PLEKHH1: variants seen among roughly 807,000 people sequenced by gnomAD.
PLEKHH1 encodes the protein pleckstrin homology domain-containing family H member 1.
PLEKHH1 carries 104 observed loss-of-function variants against 160.0 expected under a neutral mutation model. The ratio of observed to expected loss-of-function variants is 0.65; its 90% CI spans 0.55 to 0.76. The LOEUF (loss-of-function observed/expected upper bound fraction) is 0.76, where lower values mean the gene tolerates loss of function less well. PLEKHH1 is among the 30% of genes least tolerant of loss of function. PLEKHH1 has a pLI of 0.00. For synonymous variants in PLEKHH1, 619 were observed against 678.4 expected (o/e 0.91, Z 1.36); for missense variants, 1,427 against 1,724.1 (o/e 0.83, Z 3.05).
intron 1 of PLEKHH1, among the ~76,000 whole-genome samples, chr14:67,534,641 C>T (rs2033626130): frequency 6.6e-6 from 1 of 152,140 alleles, no homozygotes; most frequent in South Asian, 2.1e-4. Context: ...GCTGAGGGGG[C>T]CTGCTCAGAG....
At chr14:67,569,083 G>A in intron 7 of PLEKHH1, 55 bp from the exon 8 acceptor site, 2 of 1,201,790 alleles carry the variant, frequency 1.7e-6, no homozygotes, top group Non-Finnish European at 2.5e-6. Flanking sequence ...ATGCCTGGAG[G>A]GGGTGGGATG....
intron 5 of PLEKHH1, among the ~76,000 whole-genome samples, chr14:67,560,541 A>G (rs892209636): frequency 1.3e-5 from 2 of 152,042 alleles, no homozygotes; most frequent in Non-Finnish European, 2.9e-5. Flanking sequence ...CTCTTCCCCC[A>G]TCGCCTGGTA....
Position 67,578,715 on chromosome 14 carries a change from G to C in PLEKHH1, c.2849+84G>C. The C allele has an allele frequency of 1.1e-6, 1 of 886,064 alleles. No homozygotes were observed. 54.9% of individuals were successfully genotyped at this position (886,064 alleles called of 1,614,324 possible). A position where few individuals can be genotyped will look rare whatever the true frequency, so the allele number is the denominator to read the frequency against. ...AGAGGGATGAGAGGAGTCTAGGGCA[G>C]ACCAGATCACTCCTGTCCTCTGAAA... On this transcript the variant is annotated intron_variant, in intron 20 of 28. Transcript: ENST00000329153. The surrounding 1 kb of genome is among the most constrained non-coding windows in gnomAD (Gnocchi z 5.0).
rs757934211 is a variant in PLEKHH1 at position 67,541,858 on chromosome 14, C to T, written c.-10C>T. The T allele has an allele frequency of 1.9e-6, 3 of 1,587,158 alleles. No individual in the cohort carries two copies. Among genetic ancestry groups the T allele is most frequent in the South Asian group, 1.2e-5 (1 of 86,534 alleles). On this transcript the variant is annotated 5_prime_UTR_variant, in exon 2 of 29. Coordinates refer to ENST00000329153, the MANE Select transcript of PLEKHH1 (RefSeq NM_020715.3). ...GGGCTCCCCAGAATAATCCAGAAGT[C>T]GATTCCATCATGGCAGAACTCAAGG...
In PLEKHH1 at chr14:67,572,520, G is replaced by A. The variant is rs371384216; in HGVS notation, c.1728+243G>A. On this transcript the variant is annotated intron_variant, in intron 11 of 28. Transcript: ENST00000329153. ...TACCAGCAATGGCCAGTTACTGAGAGCCTACTGTGGCCCACCAGGCCCCAT... is the reference window on the plus strand; with the variant it reads ...TACCAGCAATGGCCAGTTACTGAGAACCTACTGTGGCCCACCAGGCCCCAT... Among the ~76,000 whole-genome samples, 350 of 152,272 alleles carry A rather than the reference G, an allele frequency of 2.3e-3. 4 individuals are homozygous for A. Among genetic ancestry groups the A allele is most frequent in the African/African-American group, 8.1e-3 (338 of 41,546 alleles).
intron 2 of PLEKHH1, among the ~76,000 whole-genome samples, chr14:67,548,388 T>G (rs1357227978): frequency 2.0e-5 from 3 of 152,146 alleles, no homozygotes; most frequent in African/African-American, 7.2e-5. Flanking sequence ...CCAAAAGGGC[T>G]TTGAGGGTAT....
intron 22 of PLEKHH1, 109 bp downstream of exon 22, chr14:67,579,985 C>A: frequency 9.2e-7 from 1 of 1,083,452 alleles, no homozygotes; most frequent in Non-Finnish European, 1.3e-6. Context: ...TCATTTGGTG[C>A]TGAGCCCAAG....
chr14:67,572,417 TG>T (rs957593389), intron 11 of PLEKHH1, 140 bp downstream of exon 11: 31 of 169,198 alleles, frequency 1.8e-4, no homozygotes, highest in African/African-American at 3.5e-4. Context: ...GGGCGTGGGC[TG>T]GGGGGGTGTA....
At position 67,578,176 on chromosome 14, in the gene PLEKHH1, C is replaced by A. The variant is rs1305378903; in HGVS notation, c.2728C>A (p.Pro910Thr). The A allele has an allele frequency of 6.2e-7, 1 of 1,613,920 alleles. No individual in the cohort carries two copies. The highest frequency in any genetic ancestry group is 2.2e-5 in the East Asian group (1 of 44,884). The change falls in exon 19 of 29, where the codon CCT (proline) becomes ACT (threonine). Residue 910 changes from proline to threonine, a missense_variant. Pro to Thr is a conservative substitution (Grantham distance 38). This residue lies in a region of PLEKHH1 where 436 missense variants were observed against 607.5 expected (regional missense o/e 0.72). Transcript: ENST00000329153. This position sits in a 1 kb window ranked among gnomAD's most constrained non-coding sequence, Gnocchi z 5.0. ...CATGAAGCAGACCAGCTGCCGCCCA[C>A]CTCAGAAGTACTCCCTCATGCAGGT... ...QLMKQTSCRP[P>T]QKYSLMQCWQ...
intron 1 of PLEKHH1, among the ~76,000 whole-genome samples, chr14:67,538,219 G>A (rs919891714): frequency 5.9e-5 from 9 of 152,150 alleles, no homozygotes; most frequent in Non-Finnish European, 8.8e-5. Context: ...TAGCCTGTTA[G>A]TATGAGATAT....
intron 7 of PLEKHH1, among the ~76,000 whole-genome samples, chr14:67,567,296 T>C (rs776757159): frequency 3.3e-5 from 5 of 152,230 alleles, no homozygotes; most frequent in Admixed American, 1.3e-4. Context: ...GTGTGAGAAA[T>C]ACTTATGTAT....
At chr14:67,567,579 T>C (rs1429082519) in intron 7 of PLEKHH1, among the ~76,000 whole-genome samples, 1 of 152,040 alleles carries the variant, frequency 6.6e-6, no homozygotes, top group Non-Finnish European at 1.5e-5. Context: ...TGCAGGGCCC[T>C]CCTTGGCATC....
chr14:67,546,027 C>T (rs970297914), intron 2 of PLEKHH1, among the ~76,000 whole-genome samples: 7 of 151,732 alleles, frequency 4.6e-5, no homozygotes, highest in Admixed American at 4.6e-4. Flanking sequence ...GTTGCAAAGT[C>T]AAATGCTTAC....
chr14:67,571,816 GCT>G lies in PLEKHH1; in HGVS notation c.1503_1504del (p.Gln502GlyfsTer11). 6.2e-7 allele frequency: 1 copy of G among 1,613,952 alleles called. No homozygotes were observed. On this transcript the variant is annotated frameshift_variant, in exon 10 of 29. Transcript: ENST00000329153. LOFTEE classifies it high-confidence loss of function. ...TCCTCTGGGTCTGACGATGACTGCA[GCT>G]CTCAGGCGAGTTTCCGAATCTCGGT...
At position 67,579,798 on chromosome 14, in the gene PLEKHH1, A is replaced by T. The variant is rs1463952931; in HGVS notation, c.3105A>T (p.Pro1035=). The T allele has an allele frequency of 6.2e-7, 1 of 1,611,678 alleles. No individual in the cohort carries two copies. Among genetic ancestry groups the T allele is most frequent in the Middle Eastern group, 1.6e-4 (1 of 6,062 alleles). The stretch of plus-strand genomic sequence containing the variant: ...ACCAGGAGATAGGCATGAGAAAGCC[A>T]TCCCACTCTGGCTTTGCCCTCTTCA... ...RLNQEIGMRK[P]SHSGFALFTD... Residue 1035 remains proline, a synonymous_variant, in exon 22 of 29, where the codon CCA becomes CCT. Coordinates refer to ENST00000329153, the MANE Select transcript of PLEKHH1 (RefSeq NM_020715.3).
Position 67,585,655 on chromosome 14 carries a change from G to A in PLEKHH1, c.3786+1G>A. On this transcript the variant is annotated splice_donor_variant, in intron 27 of 28. Coordinates refer to ENST00000329153, the MANE Select transcript of PLEKHH1 (RefSeq NM_020715.3). LOFTEE classifies it high-confidence loss of function. Reference sequence around the variant, plus strand: ...CAGCATCCTGGACCACAACACTATGGTATGAAAGGATGCAGGCTGCTCCCT... The same window carrying A: ...CAGCATCCTGGACCACAACACTATGATATGAAAGGATGCAGGCTGCTCCCT... 1 of 1,554,176 alleles carries A rather than the reference G, an allele frequency of 6.4e-7. No homozygotes were observed. The highest frequency in any genetic ancestry group is 8.7e-7 in the Non-Finnish European group (1 of 1,143,370).
intron 28 of PLEKHH1, chr14:67,586,395 G>A (rs2036164368): frequency 2.2e-6 from 3 of 1,354,690 alleles, no homozygotes; most frequent in Non-Finnish European, 2.9e-6. Context: ...CCTCAGTTGG[G>A]TGCTTACGTG....
At chr14:67,559,776 T>C in intron 5 of PLEKHH1, 85 bp downstream of exon 5, 2 of 848,908 alleles carry the variant, frequency 2.4e-6, no homozygotes, top group Non-Finnish European at 3.9e-6. Context: ...CCCTACTGTC[T>C]AGGGTGCCTC....
intron 26 of PLEKHH1, chr14:67,585,188 T>A (rs945649224): frequency 7.5e-5 from 13 of 173,892 alleles, no homozygotes; most frequent in African/African-American, 3.1e-4. Flanking sequence ...TGGAATGCCG[T>A]GTTTCCAAGA....
Sources: allele counts gnomAD v4.1 joint callset (sites outside exome capture counted in the v4.1 genomes callset), GRCh38; gene constraint gnomAD v4.1.1; regional missense constraint gnomAD v4.1.1; non-coding constraint Gnocchi (gnomAD v3.1); transcripts MANE v1.5; gene names NCBI Gene and HGNC (gene_info 2026-07-23, HGNC 2026-07-21).